The following DLEU7 variants were observed in gnomAD, a reference collection of about 807,000 sequenced individuals.
DLEU7 encodes deleted in lymphocytic leukemia 7, also known as leukemia-associated protein 7.
In DLEU7, 17 loss-of-function variants were observed where a neutral mutation model predicts 16.0. The ratio of observed to expected loss-of-function variants is 1.06; its 90% CI spans 0.73 to 1.59. DLEU7 has a LOEUF of 1.59. Ranked by LOEUF, DLEU7 falls within the 40% of genes most tolerant of loss-of-function variation. The pLI is 0.00. For missense variants in DLEU7, 308 were observed against 314.9 expected (o/e 0.98, Z 0.17); for synonymous variants, 113 against 139.8 (o/e 0.81, Z 1.35).
rs528716432 is a variant in DLEU7 at position 50,768,657 on chromosome 13, G to A, written c.460-55417C>T. Among the ~76,000 whole-genome samples, 3 of 152,286 alleles carry A rather than the reference G, an allele frequency of 2.0e-5. No individual in the cohort carries two copies. In the East Asian group the frequency reaches 5.8e-4, roughly 29 times the overall value. On this transcript the variant is annotated intron_variant, in intron 1 of 1. Transcript: ENST00000400393. ...GCATAGTAGTCCATAGTATATATGT[G>A]CTACATTTTCTTAATCCAGTCTATC...
chr13:50,729,504 T>C (rs1270361568), intron 1 of DLEU7, among the ~76,000 whole-genome samples: 2 of 152,190 alleles, frequency 1.3e-5, no homozygotes, highest in Non-Finnish European at 2.9e-5. Flanking sequence ...TGTGTGCATG[T>C]GTCTTTATGG....
intron 1 of DLEU7, among the ~76,000 whole-genome samples, chr13:50,763,853 A>G (rs1875018660): frequency 1.3e-5 from 2 of 152,208 alleles, no homozygotes; most frequent in Admixed American, 6.5e-5. Flanking sequence ...GTAAACTGCA[A>G]ACAACACTAG....
In DLEU7 at chr13:50,738,962, T is replaced by TACACACAC. The variant is rs55722607; in HGVS notation, c.460-25730_460-25723dup. On this transcript the variant is annotated intron_variant, in intron 1 of 1. Coordinates refer to the DLEU7 transcript ENST00000400393. ...CCAGTGAGCAGCCTCTAAAAAATAA[T>TACACACAC]ACACACACACACACACACACACACA... Among the ~76,000 whole-genome samples, 78 of 144,758 alleles carry TACACACAC rather than the reference T, an allele frequency of 5.4e-4. 1 individual carries two copies. Among genetic ancestry groups the TACACACAC allele is most frequent in the South Asian group, 3.3e-3 (14 of 4,214 alleles). 95.0% of individuals were successfully genotyped at this position (144,758 alleles called of 152,430 possible).
At position 50,792,437 on chromosome 13, in the gene DLEU7, T is replaced by G. The variant is rs530776149; in HGVS notation, c.459+50751A>C. ...AAATGAATCCCCAATGCAACTTCCCTTTAGCTATTCCCTAAAATGTCCAGC... is the reference window on the plus strand; with the variant it reads ...AAATGAATCCCCAATGCAACTTCCCGTTAGCTATTCCCTAAAATGTCCAGC... On this transcript the variant is annotated intron_variant, in intron 1 of 1. Coordinates refer to the DLEU7 transcript ENST00000400393. Among the ~76,000 whole-genome samples, 5 of 152,312 alleles carry G rather than the reference T, an allele frequency of 3.3e-5. No homozygotes were observed. The East Asian group carries it at 7.7e-4, about 23-fold the overall frequency.
intron 1 of DLEU7, among the ~76,000 whole-genome samples, chr13:50,721,621 A>G (rs1041847550): frequency 3.9e-5 from 6 of 152,204 alleles, no homozygotes; most frequent in Admixed American, 3.9e-4. Flanking sequence ...AAACAGAAGA[A>G]GAGACAATGG....
chr13:50,791,663 A>G (rs535562413), intron 1 of DLEU7, among the ~76,000 whole-genome samples: 2 of 152,172 alleles, frequency 1.3e-5, no homozygotes, highest in Non-Finnish European at 2.9e-5. Flanking sequence ...GAAGGACTCA[A>G]TCTTTAAGGA....
chr13:50,790,413 T>C (rs73495641), intron 1 of DLEU7, among the ~76,000 whole-genome samples: 4 of 152,316 alleles, frequency 2.6e-5, no homozygotes, highest in African/African-American at 9.6e-5. Flanking sequence ...ATGTGGACTT[T>C]GAGGTGCCCT....
intron 1 of DLEU7, among the ~76,000 whole-genome samples, chr13:50,840,685 AG>A (rs1360782043): frequency 6.6e-6 from 1 of 152,098 alleles, no homozygotes; most frequent in African/African-American, 2.4e-5. Context: ...GTCAGCAAAG[AG>A]GGGGCGGTAG....
At chr13:50,783,318 C>A (rs1045162150) in intron 1 of DLEU7, among the ~76,000 whole-genome samples, 5 of 152,200 alleles carry the variant, frequency 3.3e-5, no homozygotes, top group Non-Finnish European at 7.3e-5. Context: ...CAAACAATGA[C>A]ATGAACAAAA....
intron 1 of DLEU7, among the ~76,000 whole-genome samples, chr13:50,805,093 T>C (rs1016974958): frequency 1.3e-5 from 2 of 152,202 alleles, no homozygotes; most frequent in Non-Finnish European, 2.9e-5. Flanking sequence ...TATGAATAGT[T>C]GTGGTAGTAG....
chr13:50,754,401 C>G (rs146394904), intron 1 of DLEU7, among the ~76,000 whole-genome samples: 2 of 152,180 alleles, frequency 1.3e-5, no homozygotes, highest in African/African-American at 4.8e-5. Context: ...TCCTGTTGGA[C>G]AAGGCCTTTT....
At chr13:50,794,043 A>G (rs7326218) in intron 1 of DLEU7, among the ~76,000 whole-genome samples, 64,545 of 152,010 alleles carry the variant, frequency 0.42, 14,035 homozygotes, top group African/African-American at 0.52. Context: ...TGGTAGGTAG[A>G]TGTGCAGTTT....
intron 1 of DLEU7, among the ~76,000 whole-genome samples, chr13:50,740,089 A>G (rs961047872): frequency 3.9e-5 from 6 of 152,146 alleles, no homozygotes; most frequent in Non-Finnish European, 7.4e-5. Flanking sequence ...AGTTCTTTTA[A>G]GCCTGAAAAT....
chr13:50,836,704 AAGAG>A (rs1877479661), intron 1 of DLEU7, among the ~76,000 whole-genome samples: 1 of 151,988 alleles, frequency 6.6e-6, no homozygotes, highest in South Asian at 2.1e-4. Flanking sequence ...GAAAAAAAGA[AAGAG>A]AGAAAGGAAG....
intron 1 of DLEU7, among the ~76,000 whole-genome samples, chr13:50,733,212 C>T (rs886754827): frequency 6.6e-6 from 1 of 152,176 alleles, no homozygotes; most frequent in African/African-American, 2.4e-5. Context: ...AGAGCAAATA[C>T]ATCAGAATTT....
intron 1 of DLEU7, among the ~76,000 whole-genome samples, chr13:50,737,273 TAC>T (rs1259340422): frequency 2.6e-5 from 4 of 152,118 alleles, no homozygotes; most frequent in Admixed American, 6.5e-5. Flanking sequence ...AAAAAGATAA[TAC>T]ATTATGACCA....
chr13:50,721,911 G>A (rs1593527535), intron 1 of DLEU7, among the ~76,000 whole-genome samples: 1 of 152,066 alleles, frequency 6.6e-6, no homozygotes, highest in African/African-American at 2.4e-5. Context: ...GGCTGCAAAG[G>A]CTGAAAATAT....
chr13:50,794,085 G>A (rs889590171), intron 1 of DLEU7, among the ~76,000 whole-genome samples: 5 of 152,004 alleles, frequency 3.3e-5, no homozygotes, highest in Admixed American at 6.6e-5. Flanking sequence ...ACATGGTTTA[G>A]TTTTTAAACA....
At chr13:50,836,524 G>A (rs1018712332) in intron 1 of DLEU7, among the ~76,000 whole-genome samples, 1 of 151,728 alleles carries the variant, frequency 6.6e-6, no homozygotes, top group East Asian at 1.9e-4. Context: ...AATACAAAAA[G>A]TTAGCCAGGC....
Sources: allele counts gnomAD v4.1 joint callset (sites outside exome capture counted in the v4.1 genomes callset), GRCh38; gene constraint gnomAD v4.1.1; transcripts MANE v1.5; gene names NCBI Gene and HGNC (gene_info 2026-07-23, HGNC 2026-07-21).